The following GSDME variants were observed in gnomAD, a reference collection of about 807,000 sequenced individuals.
The protein encoded by GSDME is gasdermin-E.
A neutral mutation model predicts 47.5 loss-of-function variants in GSDME; 44 were observed. That is an observed-to-expected ratio of 0.93 (90% CI 0.73 to 1.19). The LOEUF (loss-of-function observed/expected upper bound fraction) is 1.19. Ranked by LOEUF, GSDME falls within the 50% of genes most tolerant of loss-of-function variation. The probability of loss-of-function intolerance (pLI) is 0.00; values close to 1 mark genes in which losing one functional copy is unlikely to be tolerated. For synonymous variants in GSDME, 258 were observed against 252.8 expected (o/e 1.02, Z -0.20); for missense variants, 663 against 604.2 (o/e 1.10, Z -1.02).
At chr7:24,706,600 G>C (rs1789117595) in intron 7 of GSDME, among the ~76,000 whole-genome samples, 1 of 152,250 alleles carries the variant, frequency 6.6e-6, no homozygotes, top group Non-Finnish European at 1.5e-5. Context: ...GGGCGTACTT[G>C]CTGGAACTGT....
At chr7:24,750,737 C>T (rs1290795753) in intron 1 of GSDME, among the ~76,000 whole-genome samples, 1 of 152,162 alleles carries the variant, frequency 6.6e-6, no homozygotes, top group African/African-American at 2.4e-5. Flanking sequence ...TGTGATTTCT[C>T]ATATTCAGAT....
chr7:24,765,801 C>T, the GSDME span, among the ~76,000 whole-genome samples: 1 of 152,212 alleles, frequency 6.6e-6, no homozygotes, highest in South Asian at 2.1e-4. Context: ...TTTTGTCCAG[C>T]ATGATCCTTT....
chr7:24,732,173 T>G lies in GSDME; in HGVS notation c.404+12389A>C, dbSNP rs1790167542. Among the ~76,000 whole-genome samples the G allele has an allele frequency of 1.3e-5, 2 of 152,244 alleles. No homozygotes were observed. The highest frequency in any genetic ancestry group is 2.9e-5 in the Non-Finnish European group (2 of 68,050). On this transcript the variant is annotated intron_variant, in intron 3 of 9. Transcript: ENST00000645220. The surrounding 1 kb of genome is among the most constrained non-coding windows in gnomAD (Gnocchi z 4.8). ...GAAGTCTTCATTGTTAGGCACAAACTGTTTACTAAAAATAATGATTCCAGT... is the reference window on the plus strand; with the variant it reads ...GAAGTCTTCATTGTTAGGCACAAACGGTTTACTAAAAATAATGATTCCAGT...
chr7:24,773,193 T>A, the GSDME span, among the ~76,000 whole-genome samples: 14 of 152,368 alleles, frequency 9.2e-5, no homozygotes, highest in African/African-American at 3.4e-4. This position sits in a 1 kb window ranked among gnomAD's most constrained non-coding sequence, Gnocchi z 5.4. Context: ...CTTTTCTTTA[T>A]AAACTCAATT....
At position 24,702,766 on chromosome 7, in the gene GSDME, GCA is replaced by G; in HGVS notation, c.1249_1250del (p.Cys417ProfsTer8). On this transcript the variant is annotated frameshift_variant, in exon 9 of 10. Coordinates refer to ENST00000645220, the MANE Select transcript of GSDME (RefSeq NM_001127453.2). LOFTEE classifies it low-confidence loss of function (END_TRUNC). ...CCKLQIIPTL[C>X]HLLRALSDDG... is the part of the protein sequence containing the mutation. ...CACCTGGGAGGTTGCTTACCAAGTG[GCA>G]CAGTGTGGGAATGATCTGGAGTTTG... is the stretch of plus-strand genomic sequence containing the variant. The G allele has an allele frequency of 6.2e-7, 1 of 1,612,970 alleles. No homozygotes were observed. The highest frequency in any genetic ancestry group is 8.5e-7 in the Non-Finnish European group (1 of 1,179,262).
At chr7:24,749,514 A>AAT in intron 2 of GSDME, 50 bp downstream of exon 2, 9 of 1,388,236 alleles carry the variant, frequency 6.5e-6, no homozygotes, top group African/African-American at 1.5e-5. Flanking sequence ...AAAAAAAAAA[A>AAT]GGATCATCCT....
intron 8 of GSDME, chr7:24,704,722 GATTT>G (rs1393084887): frequency 6.7e-6 from 1 of 150,124 alleles, no homozygotes; most frequent in African/African-American, 2.5e-5. Context: ...AGCTTGCAGA[GATTT>G]TTTTTTTTTT....
intron 1 of GSDME, among the ~76,000 whole-genome samples, chr7:24,752,320 G>T (rs1366994344): frequency 6.6e-6 from 1 of 152,326 alleles, no homozygotes; most frequent in South Asian, 2.1e-4. Flanking sequence ...GACAAAGCTG[G>T]GGAGGCCCCC....
chr7:24,792,027 G>A, the GSDME span, among the ~76,000 whole-genome samples: 1 of 152,206 alleles, frequency 6.6e-6, no homozygotes, highest in Admixed American at 6.5e-5. Flanking sequence ...GAGCTACCAT[G>A]AAGTCCATGC....
the GSDME span, among the ~76,000 whole-genome samples, chr7:24,789,050 T>A: frequency 1.3e-5 from 2 of 152,228 alleles, no homozygotes; most frequent in Non-Finnish European, 2.9e-5. Flanking sequence ...TTTTCAGGGA[T>A]GCAGAGATGT....
At chr7:24,703,089 G>C in intron 8 of GSDME, 1 of 400,160 alleles carries the variant, frequency 2.5e-6, no homozygotes, top group African/African-American at 2.1e-5. Flanking sequence ...TTACCAAATG[G>C]AAAGAACTGC....
In GSDME at chr7:24,717,394, C is replaced by T. The variant is rs376375299; in HGVS notation, c.577-20G>A. 6 of 1,614,174 alleles carry T rather than the reference C, an allele frequency of 3.7e-6. No homozygotes were observed. Among genetic ancestry groups the T allele is most frequent in the Non-Finnish European group, 4.2e-6 (5 of 1,180,030 alleles). On this transcript the variant is annotated intron_variant, in intron 4 of 9. Coordinates refer to ENST00000645220, the MANE Select transcript of GSDME (RefSeq NM_001127453.2). ...TGACACCTGTGGGCAAAAGCGCACA[C>T]TCCCACCTGTGCACTCGGGCTCTCC...
At chr7:24,783,264 T>A in the GSDME span, among the ~76,000 whole-genome samples, 1 of 152,178 alleles carries the variant, frequency 6.6e-6, no homozygotes, top group Non-Finnish European at 1.5e-5. Context: ...AGCATTCACA[T>A]CCTGGCTTTA....
At position 24,744,879 on chromosome 7, in the gene GSDME, G is replaced by GTGCCATCCACCACTTTGACAGA; in HGVS notation, c.212-126_212-125insTCTGTCAAAGTGGTGGATGGCA. On this transcript the variant is annotated intron_variant, in intron 2 of 9. Transcript: ENST00000645220. The surrounding 1 kb of genome is among the most constrained non-coding windows in gnomAD (Gnocchi z 4.5). Reference sequence around the variant, plus strand: ...CAGAAGGCTGGCACTCAGATGGAAAGCCGGCAGCCATGCTGTGTGTGTGGG... The same window carrying GTGCCATCCACCACTTTGACAGA: ...CAGAAGGCTGGCACTCAGATGGAAAGTGCCATCCACCACTTTGACAGACCGGCAGCCATGCTGTGTGTGTGGG... 1.0e-6 allele frequency: 1 copy of GTGCCATCCACCACTTTGACAGA among 1,003,920 alleles called. No homozygotes were observed. Among genetic ancestry groups the GTGCCATCCACCACTTTGACAGA allele is most frequent in the Non-Finnish European group, 1.5e-6 (1 of 660,394 alleles). The allele number at this position is 1,003,920 out of a possible 1,614,324, so 62.2% of individuals were successfully genotyped here.
At chr7:24,759,089 C>T (rs1423804523), upstream of GSDME, among the ~76,000 whole-genome samples, 2 of 151,972 alleles carry the variant, frequency 1.3e-5, no homozygotes, top group South Asian at 2.1e-4. Flanking sequence ...GGTGGTAGGC[C>T]CCTGATTTGC....
At position 24,736,108 on chromosome 7, in the gene GSDME, G is replaced by T. The variant is rs1790297502; in HGVS notation, c.404+8454C>A. Among the ~76,000 whole-genome samples the T allele has an allele frequency of 1.3e-5, 2 of 152,020 alleles. No individual in the cohort carries two copies. Among genetic ancestry groups the T allele is most frequent in the African/African-American group, 4.8e-5 (2 of 41,414 alleles). ...ACCTTCACTAAAAGGAAGACAGGAA[G>T]AAAAGAAAGAAGGAGGAGAAGACCA... On this transcript the variant is annotated intron_variant, in intron 3 of 9. Coordinates refer to ENST00000645220, the MANE Select transcript of GSDME (RefSeq NM_001127453.2). This position sits in a 1 kb window ranked among gnomAD's most constrained non-coding sequence, Gnocchi z 4.6.
intron 1 of GSDME, among the ~76,000 whole-genome samples, chr7:24,755,653 G>C (rs965598537): frequency 2.0e-5 from 3 of 152,204 alleles, no homozygotes; most frequent in Non-Finnish European, 4.4e-5. Flanking sequence ...TAGAGAATCA[G>C]TGCTGAGCCA....
chr7:24,704,843 C>T (rs559073430), intron 8 of GSDME: 2 of 152,242 alleles, frequency 1.3e-5, no homozygotes, highest in South Asian at 4.2e-4. Flanking sequence ...AGGTACACAC[C>T]ACCATGCCTG....
chr7:24,783,915 G>A, the GSDME span, among the ~76,000 whole-genome samples: 1 of 152,148 alleles, frequency 6.6e-6, no homozygotes, highest in African/African-American at 2.4e-5. Context: ...GATGTGTTGA[G>A]TTTGAGATGC....
Sources: gnomAD v4.1 joint callset for allele counts (sites outside exome capture counted in the v4.1 genomes callset) on GRCh38, gnomAD v4.1.1 for gene constraint, Gnocchi (gnomAD v3.1) non-coding constraint, MANE v1.5 for transcripts, NCBI Gene and HGNC (gene_info 2026-07-23, HGNC 2026-07-21) for gene names.